DLG3: variants seen among roughly 807,000 people sequenced by gnomAD.
DLG3 encodes the protein disks large homolog 3.
A neutral mutation model predicts 64.1 loss-of-function variants in DLG3; 1 was observed. The ratio of observed to expected loss-of-function variants is 0.02; its 90% CI spans 0.01 to 0.07. The LOEUF (loss-of-function observed/expected upper bound fraction) is 0.07, where lower values mean the gene tolerates loss of function less well. Ranked by LOEUF, DLG3 falls within the 10% of genes least tolerant of loss-of-function variation. The pLI is 1.00. For missense variants in DLG3, 429 were observed against 669.5 expected, an observed-to-expected ratio of 0.64 and a Z score of 3.96; for synonymous variants, 245 against 259.8, an observed-to-expected ratio of 0.94 and a Z score of 0.55.
chrX:70,499,724 C>G (rs2087521068), intron 15 of DLG3, among the ~76,000 whole-genome samples, 153 bp from the exon 16 acceptor site: 1 of 110,651 alleles, frequency 9.0e-6, no homozygotes, highest in African/African-American at 3.3e-5. Context: ...GCCAGACAAA[C>G]CGCTTCCCAA....
rs1358602064 is a variant in DLG3 at position 70,504,522 on chromosome X, T to C, written c.*2253T>C. 1 of 111,585 alleles carries C rather than the reference T, an allele frequency of 9.0e-6. No individual in the cohort carries two copies. The highest frequency in any genetic ancestry group is 1.9e-5 in the Non-Finnish European group (1 of 53,075). The allele number at this position is 111,585 out of a possible 1,213,427, so 9.2% of individuals were successfully genotyped here. On this transcript the variant is annotated 3_prime_UTR_variant, in exon 19 of 19. Transcript: ENST00000374360. ...CGTCCTGGGGATCGGTACAGCTCCC[T>C]GGGGTGGTGACAGGCCCTTTGTGAA... is the stretch of plus-strand genomic sequence containing the variant.
At chrX:70,473,157 C>CA (rs59440260) in intron 9 of DLG3, among the ~76,000 whole-genome samples, 2,542 of 41,783 alleles carry the variant, frequency 0.061, 72 homozygotes, top group East Asian at 0.073. Flanking sequence ...AACTCCGTCT[C>CA]AAAAAAAAAA....
At chrX:70,455,844 G>A (rs1460113715) in intron 9 of DLG3, 1 of 111,898 alleles carries the variant, frequency 8.9e-6, no homozygotes, top group African/African-American at 3.2e-5. Context: ...TACTAAGGTG[G>A]AAGGGACCGA....
intron 14 of DLG3, 75 bp from the exon 15 acceptor site, chrX:70,499,101 C>A: frequency 1.4e-6 from 1 of 729,458 alleles, no homozygotes; most frequent in Non-Finnish European, 2.1e-6. Context: ...CCTCTGTGTT[C>A]TAGCCAGACT....
chrX:70,500,756 C>A, intron 17 of DLG3, 142 bp from the exon 18 acceptor site: 1 of 709,024 alleles, frequency 1.4e-6, no homozygotes, highest in Non-Finnish European at 2.2e-6. Flanking sequence ...GACTTTTGAA[C>A]GCAGGTTTGA....
At chrX:70,472,792 T>A (rs1295029642) in intron 9 of DLG3, among the ~76,000 whole-genome samples, 1 of 112,004 alleles carries the variant, frequency 8.9e-6, no homozygotes, top group Non-Finnish European at 1.9e-5. Context: ...ACATATCTGA[T>A]CATGTCCTTC....
Position 70,466,251 on chromosome X carries a change from G to A in DLG3, c.1405+11935G>A, listed in dbSNP as rs188716465. On this transcript the variant is annotated intron_variant, in intron 9 of 18. Coordinates refer to ENST00000374360, the MANE Select transcript of DLG3 (RefSeq NM_021120.4). Reference sequence around the variant, plus strand: ...GTGCAAGTGTTTCTTGGTCATTTGTGTGTGTGTGTGTGTGTGTGTGTGTGT... The same window carrying A: ...GTGCAAGTGTTTCTTGGTCATTTGTATGTGTGTGTGTGTGTGTGTGTGTGT... Among the ~76,000 whole-genome samples the A allele has an allele frequency of 3.4e-3, 124 of 36,065 alleles. 1 individual carries two copies. The highest frequency in any genetic ancestry group is 0.014 in the Middle Eastern group (1 of 71). 31.3% of individuals were successfully genotyped at this position (36,065 alleles called of 115,157 possible).
At chrX:70,455,098 C>T in intron 9 of DLG3, 5 of 731,494 alleles carry the variant, frequency 6.8e-6, no homozygotes, top group Non-Finnish European at 8.1e-6. Flanking sequence ...TCCTTCCCCC[C>T]ATCGCGCGCC....
intron 6 of DLG3, 128 bp from the exon 7 acceptor site, chrX:70,451,739 G>T: frequency 1.2e-6 from 1 of 808,562 alleles, no homozygotes; most frequent in South Asian, 2.2e-5. Flanking sequence ...GGGGAGGTGC[G>T]GCCTGAGGAA....
chrX:70,469,607 T>G (rs1481420472), intron 9 of DLG3, among the ~76,000 whole-genome samples: 2 of 109,589 alleles, frequency 1.8e-5, no homozygotes, highest in Non-Finnish European at 3.8e-5. Context: ...TATGCCTGGC[T>G]AATTTTTTGT....
chrX:70,454,987 G>A, intron 9 of DLG3: 1 of 745,618 alleles, frequency 1.3e-6, no homozygotes, highest in Non-Finnish European at 1.6e-6. Context: ...GGGAAGGCGC[G>A]CCCTAGCCTG....
chrX:70,492,655 G>A (rs2087379238), intron 12 of DLG3, 59 bp downstream of exon 12: 13 of 1,047,626 alleles, frequency 1.2e-5, no homozygotes, highest in African/African-American at 7.4e-5. Flanking sequence ...GAAGCCTGGA[G>A]TTTAGTCTGA....
chrX:70,460,300 A>AAAAC (rs2086781746), intron 9 of DLG3, among the ~76,000 whole-genome samples: 1 of 100,668 alleles, frequency 9.9e-6, no homozygotes, highest in African/African-American at 3.7e-5. Context: ...AAAAAAAAAA[A>AAAAC]AAAAAAACTC....
intron 7 of DLG3, chrX:70,452,880 G>A: frequency 1.4e-6 from 1 of 713,259 alleles, no homozygotes; most frequent in Non-Finnish European, 2.0e-6. Flanking sequence ...AAAGATGCTT[G>A]TAACAAGTGA....
In DLG3 at chrX:70,500,806, T is replaced by C. The variant is rs972144386; in HGVS notation, c.2256-92T>C. The C allele has an allele frequency of 6.5e-6, 6 of 916,927 alleles. No individual in the cohort carries two copies. The African/African-American group carries it at 9.9e-5, about 15-fold the overall frequency. 75.6% of individuals were successfully genotyped at this position (916,927 alleles called of 1,213,427 possible). A position where few individuals can be genotyped will look rare whatever the true frequency, so the allele number is the denominator to read the frequency against. ...GCCACTGCTGCTCTGAGAGGGCAGCTTAGCAGATTTTTAGGGATCCTGGAA... is the reference window on the plus strand; with the variant it reads ...GCCACTGCTGCTCTGAGAGGGCAGCCTAGCAGATTTTTAGGGATCCTGGAA... On this transcript the variant is annotated intron_variant, in intron 17 of 18. Coordinates refer to ENST00000374360, the MANE Select transcript of DLG3 (RefSeq NM_021120.4).
At chrX:70,478,469 G>A (rs891540860) in intron 9 of DLG3, among the ~76,000 whole-genome samples, 1 of 111,328 alleles carries the variant, frequency 9.0e-6, no homozygotes, top group Admixed American at 9.5e-5. Flanking sequence ...CCGACTTCTC[G>A]GTTTGGGAGA....
At chrX:70,500,365 T>G in intron 16 of DLG3, 106 bp from the exon 17 acceptor site, 3 of 416,481 alleles carry the variant, frequency 7.2e-6, no homozygotes, top group Non-Finnish European at 1.3e-5. Flanking sequence ...GCCCCTCCCC[T>G]CACCCCCACC....
chrX:70,458,218 C>T (rs1464016050), intron 9 of DLG3, among the ~76,000 whole-genome samples: 1 of 110,975 alleles, frequency 9.0e-6, no homozygotes, highest in African/African-American at 3.3e-5. Flanking sequence ...TGCCATGTTG[C>T]CTAGGCTGGT....
chrX:70,478,173 G>A (rs1473539560), intron 9 of DLG3, among the ~76,000 whole-genome samples: 8 of 112,370 alleles, frequency 7.1e-5, no homozygotes, highest in African/African-American at 2.6e-4. Flanking sequence ...GCAATTATAG[G>A]CCTGGAAAAT....
Sources: gnomAD v4.1 joint callset for allele counts (sites outside exome capture counted in the v4.1 genomes callset) on GRCh38, gnomAD v4.1.1 for gene constraint, MANE v1.5 for transcripts, NCBI Gene and HGNC (gene_info 2026-07-23, HGNC 2026-07-21) for gene names.